Variants in SRRM3 observed in about 807,000 individuals in gnomAD.
SRRM3 encodes the protein serine/arginine repetitive matrix 3, also known as serine/arginine repetitive matrix protein 3.
SRRM3 carries 27 observed loss-of-function variants against 66.2 expected under a neutral mutation model. That is an observed-to-expected ratio of 0.41 (90% CI 0.30 to 0.56). The LOEUF is 0.56. SRRM3 is among the 20% of genes least tolerant of loss of function. The probability of loss-of-function intolerance (pLI) is 0.32; values close to 1 mark genes in which losing one functional copy is unlikely to be tolerated. For missense variants in SRRM3, 918 were observed against 991.9 expected (o/e 0.93, Z 1.00); for synonymous variants, 391 against 414.9 (o/e 0.94, Z 0.70).
Position 76,277,716 on chromosome 7 carries a change from C to CAAA in SRRM3, c.1009-3708_1009-3706dup, listed in dbSNP as rs386353056. On this transcript the variant is annotated intron_variant, in intron 11 of 14. Transcript: ENST00000611745. ...CTGTCTCAAAACAAATAAACAACAA[C>CAAA]AAAAAAAAAAAAAAAAAAAGAGAGA... 1.7e-3 allele frequency among the ~76,000 whole-genome samples: 178 copies of CAAA among 102,744 alleles called. 1 individual carries two copies. The highest frequency in any genetic ancestry group is 6.3e-3 in the African/African-American group (149 of 23,768). 67.4% of individuals were successfully genotyped at this position (102,744 alleles called of 152,430 possible).
chr7:76,283,647 CTCTT>C (rs1301609296), intron 14 of SRRM3: 5 of 563,538 alleles, frequency 8.9e-6, no homozygotes, highest in South Asian at 1.5e-5. Flanking sequence ...GTCTGCCTCT[CTCTT>C]TCTCACTAAC....
chr7:76,239,109 T>C (rs1487535333), intron 2 of SRRM3, among the ~76,000 whole-genome samples: 1 of 152,128 alleles, frequency 6.6e-6, no homozygotes, highest in African/African-American at 2.4e-5. Context: ...CTCGGCTTAC[T>C]GCAACCTCCA....
intron 1 of SRRM3, among the ~76,000 whole-genome samples, chr7:76,216,102 C>A (rs1224424686): frequency 2.2e-5 from 3 of 137,654 alleles, no homozygotes; most frequent in African/African-American, 8.2e-5. Context: ...CCACCGCGCC[C>A]GGCCCACATC....
intron 11 of SRRM3, among the ~76,000 whole-genome samples, chr7:76,278,303 T>C (rs1802409691): frequency 6.6e-6 from 1 of 151,958 alleles, no homozygotes; most frequent in South Asian, 2.1e-4. Flanking sequence ...CCTGGCCAAC[T>C]TGGTGAAACC....
intron 11 of SRRM3, among the ~76,000 whole-genome samples, chr7:76,277,953 T>TC (rs1184888887): frequency 6.6e-6 from 1 of 152,098 alleles, no homozygotes; most frequent in African/African-American, 2.4e-5. Flanking sequence ...CTCCCAAGCT[T>TC]CCCCCACCTC....
intron 11 of SRRM3, among the ~76,000 whole-genome samples, chr7:76,276,163 TG>T (rs1267097509): frequency 6.6e-6 from 1 of 152,102 alleles, no homozygotes; most frequent in African/African-American, 2.4e-5. Context: ...GAGGGGCTCC[TG>T]GGAACAGGGC....
At chr7:76,213,557 G>A (rs1458638651) in intron 1 of SRRM3, among the ~76,000 whole-genome samples, 3 of 152,082 alleles carry the variant, frequency 2.0e-5, no homozygotes, top group Non-Finnish European at 2.9e-5. Flanking sequence ...CAGGGACCTC[G>A]TGGGATTCAT....
At chr7:76,273,269 C>T (rs1408245513) in intron 11 of SRRM3, 2 of 152,342 alleles carry the variant, frequency 1.3e-5, no homozygotes, top group Admixed American at 1.3e-4. Flanking sequence ...ATGCTGCCAG[C>T]CCCTCTGTAG....
At position 76,285,944 on chromosome 7, in the gene SRRM3, G is replaced by A. The variant is rs1015825501; in HGVS notation, c.*101G>A. ...GGGGGCTATATCTCCTTGCCCCCAA[G>A]GCTACAAAGAGGTCTCAGGGCCAGT... On this transcript the variant is annotated 3_prime_UTR_variant, in exon 15 of 15. Coordinates refer to ENST00000611745, the MANE Select transcript of SRRM3 (RefSeq NM_001110199.3). This position sits in a 1 kb window ranked among gnomAD's most constrained non-coding sequence, Gnocchi z 4.1. 1 of 1,311,928 alleles carries A rather than the reference G, an allele frequency of 7.6e-7. No individual in the cohort carries two copies. The highest frequency in any genetic ancestry group is 1.9e-4 in the Middle Eastern group (1 of 5,254). 81.3% of individuals were successfully genotyped at this position (1,311,928 alleles called of 1,614,324 possible).
At chr7:76,237,063 C>T (rs1371985249) in intron 2 of SRRM3, among the ~76,000 whole-genome samples, 1 of 152,030 alleles carries the variant, frequency 6.6e-6, no homozygotes, top group East Asian at 1.9e-4. Flanking sequence ...GTCAGGAGAT[C>T]GAGACCAGCC....
chr7:76,282,580 A>ACCCCCCCC, intron 12 of SRRM3, 68 bp from the exon 13 acceptor site: 1 of 172,298 alleles, frequency 5.8e-6, no homozygotes, highest in Non-Finnish European at 9.6e-6. Flanking sequence ...CGCCCCAGGG[A>ACCCCCCCC]ACCCTCCCCG....
At chr7:76,283,233 A>T in intron 14 of SRRM3, 132 bp downstream of exon 14, 4 of 934,040 alleles carry the variant, frequency 4.3e-6, no homozygotes, top group East Asian at 4.3e-5. Context: ...GGGGGTGCTA[A>T]GGGACAATGA....
chr7:76,263,875 G>GCCAAAA (rs1243393227), intron 8 of SRRM3, among the ~76,000 whole-genome samples: 4,087 of 26,544 alleles, frequency 0.15, 441 homozygotes, highest in African/African-American at 0.22. Flanking sequence ...TCTGTCTCAA[G>GCCAAAA]ACAAAAAAAA....
chr7:76,243,644 G>T (rs562246358), intron 2 of SRRM3, among the ~76,000 whole-genome samples: 2 of 152,274 alleles, frequency 1.3e-5, no homozygotes, highest in Admixed American at 6.5e-5. Context: ...AGGGGGCTTG[G>T]ATCCTGGCCT....
intron 11 of SRRM3, among the ~76,000 whole-genome samples, chr7:76,277,043 C>T (rs781940254): frequency 6.6e-6 from 1 of 152,226 alleles, no homozygotes; most frequent in South Asian, 2.1e-4. Flanking sequence ...ACACCAGGGC[C>T]GATTCCAGGG....
chr7:76,282,865 C>CA lies in SRRM3; in HGVS notation c.1588_1589insA (p.Leu530HisfsTer15). On this transcript the variant is annotated frameshift_variant, in exon 13 of 15. Coordinates refer to ENST00000611745, the MANE Select transcript of SRRM3 (RefSeq NM_001110199.3). LOFTEE classifies it high-confidence loss of function. ...CCGCTCGCCGTCGCCCAAGAAGCCCCTCAGCCGGTGAGTGCCCGCCCGGAC... is the reference window on the plus strand; with the variant it reads ...CCGCTCGCCGTCGCCCAAGAAGCCCCATCAGCCGGTGAGTGCCCGCCCGGAC... The CA allele has an allele frequency of 6.9e-7, 1 of 1,445,510 alleles. No homozygotes were observed. The highest frequency in any genetic ancestry group is 9.1e-7 in the Non-Finnish European group (1 of 1,103,306). The allele number at this position is 1,445,510 out of a possible 1,614,324, so 89.5% of individuals were successfully genotyped here.
chr7:76,263,290 C>T (rs1801927007), intron 8 of SRRM3, among the ~76,000 whole-genome samples: 1 of 152,228 alleles, frequency 6.6e-6, no homozygotes, highest in South Asian at 2.1e-4. Flanking sequence ...CGCAGTCACT[C>T]TGCTCCTGTG....
intron 3 of SRRM3, among the ~76,000 whole-genome samples, chr7:76,252,415 G>A (rs1260019117): frequency 2.0e-5 from 3 of 152,132 alleles, no homozygotes; most frequent in Non-Finnish European, 4.4e-5. Flanking sequence ...TACGCTTCCC[G>A]GGTTCAAGTG....
intron 1 of SRRM3, among the ~76,000 whole-genome samples, chr7:76,204,098 G>A (rs1800231936): frequency 6.6e-6 from 1 of 152,078 alleles, no homozygotes; most frequent in East Asian, 1.9e-4. Flanking sequence ...GCTGACCTCT[G>A]CCAGCCAGTG....
Sources: allele counts gnomAD v4.1 joint callset (sites outside exome capture counted in the v4.1 genomes callset), GRCh38; gene constraint gnomAD v4.1.1; non-coding constraint Gnocchi (gnomAD v3.1); transcripts MANE v1.5; gene names NCBI Gene and HGNC (gene_info 2026-07-23, HGNC 2026-07-21).